The following WWOX variants were observed in gnomAD, a reference collection of about 807,000 sequenced individuals.
WWOX encodes the protein WW domain-containing oxidoreductase.
A neutral mutation model predicts 46.2 loss-of-function variants in WWOX; 69 were observed. The observed-to-expected ratio is 1.49, with a 90% CI of 1.23 to 1.82. The LOEUF (loss-of-function observed/expected upper bound fraction) is 1.82. Among genes scored for constraint, WWOX ranks in the 40% most tolerant of loss-of-function variants. The pLI, the probability that WWOX is intolerant of heterozygous loss-of-function variation, is 0.00. For synonymous variants in WWOX, 359 were observed against 202.6 expected (o/e 1.77, Z -6.56); for missense variants, 919 against 542.6 (o/e 1.69, Z -6.89).
intron 8 of WWOX, among the ~76,000 whole-genome samples, chr16:78,530,585 G>A (rs750328724): frequency 7.9e-5 from 12 of 152,120 alleles, no homozygotes; most frequent in Non-Finnish European, 1.6e-4. Context: ...TACAGGATTG[G>A]GGGCAGGCCG....
In WWOX at chr16:78,199,299, C is replaced by T. The variant is rs190318638; in HGVS notation, c.516+35010C>T. The stretch of plus-strand genomic sequence containing the variant: ...CTGCACTCCAGCCTGGGTGACAGAG[C>T]GAGACTCCATCTCAAACAAACAAAC... On this transcript the variant is annotated intron_variant, in intron 5 of 8. Transcript: ENST00000566780. Among the ~76,000 whole-genome samples the T allele has an allele frequency of 4.9e-3, 724 of 148,750 alleles. 4 individuals carry two copies. Among genetic ancestry groups the T allele is most frequent in the African/African-American group, 0.017 (670 of 39,738 alleles).
chr16:78,748,743 G>A (rs2049408076), intron 8 of WWOX, among the ~76,000 whole-genome samples: 1 of 152,178 alleles, frequency 6.6e-6, no homozygotes, highest in African/African-American at 2.4e-5. Context: ...TATTTTTCAT[G>A]CACACTCGGA....
At chr16:78,678,319 T>C (rs1447850784) in intron 8 of WWOX, among the ~76,000 whole-genome samples, 2 of 152,164 alleles carry the variant, frequency 1.3e-5, no homozygotes, top group African/African-American at 4.8e-5. Context: ...AAGGCTGCAG[T>C]AGGGTATGAG....
At chr16:78,952,757 G>C (rs1567433546) in intron 8 of WWOX, among the ~76,000 whole-genome samples, 1 of 151,978 alleles carries the variant, frequency 6.6e-6, no homozygotes, top group Non-Finnish European at 1.5e-5. Flanking sequence ...TGTTTGTTTC[G>C]GTTCCCCAAC....
chr16:78,325,304 A>G (rs2080587429), intron 5 of WWOX, among the ~76,000 whole-genome samples: 1 of 152,220 alleles, frequency 6.6e-6, no homozygotes, highest in South Asian at 2.1e-4. Flanking sequence ...TGACTTTATA[A>G]ATACTCAGAT....
At chr16:78,625,223 G>T (rs547042862) in intron 8 of WWOX, among the ~76,000 whole-genome samples, 341 of 152,208 alleles carry the variant, frequency 2.2e-3, no homozygotes, top group Non-Finnish European at 3.3e-3. Flanking sequence ...GTTTAGGCTG[G>T]GGTCACCGGG....
intron 6 of WWOX, among the ~76,000 whole-genome samples, chr16:78,403,800 C>A (rs2151945360): frequency 6.6e-6 from 1 of 152,308 alleles, no homozygotes; most frequent in South Asian, 2.1e-4. Context: ...AATTTACTGC[C>A]AGCTCTAGCC....
chr16:78,478,488 C>T (rs933365197), intron 8 of WWOX, among the ~76,000 whole-genome samples: 13 of 152,290 alleles, frequency 8.5e-5, no homozygotes, highest in African/African-American at 2.9e-4. Context: ...CTCCCTTCCA[C>T]AAAACAGGGC....
At chr16:78,192,491 C>CAAAAAAAAAAAAAAAAAAAAAA (rs56109773) in intron 5 of WWOX, among the ~76,000 whole-genome samples, 1 of 87,490 alleles carries the variant, frequency 1.1e-5, no homozygotes, top group African/African-American at 4.6e-5. Flanking sequence ...GACTCCGTCT[C>CAAAAAAAAAAAAAAAAAAAAAA]AAAAAAAAAA....
chr16:78,432,334 G>T (rs11866497), intron 7 of WWOX, among the ~76,000 whole-genome samples, 154 bp from the exon 8 acceptor site: 1 of 151,992 alleles, frequency 6.6e-6, no homozygotes, highest in Non-Finnish European at 1.5e-5. Flanking sequence ...TTGAACTCCC[G>T]ACCTCAGGTG....
intron 5 of WWOX, among the ~76,000 whole-genome samples, chr16:78,204,383 T>C (rs1055245714): frequency 1.3e-5 from 2 of 152,192 alleles, no homozygotes; most frequent in African/African-American, 2.4e-5. Context: ...ATCCAACCCC[T>C]CAAACATTTA....
At chr16:78,937,241 A>G (rs1414382517) in intron 8 of WWOX, among the ~76,000 whole-genome samples, 3 of 152,228 alleles carry the variant, frequency 2.0e-5, no homozygotes, top group East Asian at 1.9e-4. Flanking sequence ...TAGTATTTCA[A>G]ATTTACCTGA....
At position 78,952,066 on chromosome 16, in the gene WWOX, A is replaced by G. The variant is rs573011804; in HGVS notation, c.1057-259542A>G. 1.9e-4 allele frequency among the ~76,000 whole-genome samples: 29 copies of G among 152,270 alleles called. No homozygotes were observed. In the East Asian group the frequency reaches 5.2e-3, roughly 27 times the overall value. On this transcript the variant is annotated intron_variant, in intron 8 of 8. Transcript: ENST00000566780. ...AGGGTAAAGACAGACCCCTAATCATAACCTACAATCCCTCGACCCAGTGAC... is the reference window on the plus strand; with the variant it reads ...AGGGTAAAGACAGACCCCTAATCATGACCTACAATCCCTCGACCCAGTGAC...
At chr16:78,336,337 A>G (rs901348815) in intron 5 of WWOX, among the ~76,000 whole-genome samples, 2 of 149,948 alleles carry the variant, frequency 1.3e-5, no homozygotes, top group East Asian at 2.0e-4. Context: ...CACCAAAAAA[A>G]AAAAAAAAAA....
intron 8 of WWOX, among the ~76,000 whole-genome samples, chr16:78,475,611 A>G (rs2084332544): frequency 6.6e-6 from 1 of 151,998 alleles, no homozygotes; most frequent in Non-Finnish European, 1.5e-5. Flanking sequence ...ATTTTAGTTC[A>G]TTTCATTTAA....
chr16:79,015,231 T>G (rs1382543864), intron 8 of WWOX, among the ~76,000 whole-genome samples: 1 of 152,120 alleles, frequency 6.6e-6, no homozygotes, highest in African/African-American at 2.4e-5. Context: ...AGAAGGTGCC[T>G]GATTTCCTGG....
At chr16:79,007,687 T>A (rs2047217307) in intron 8 of WWOX, among the ~76,000 whole-genome samples, 1 of 152,230 alleles carries the variant, frequency 6.6e-6, no homozygotes, top group Non-Finnish European at 1.5e-5. Flanking sequence ...GATGAAGAAG[T>A]AGATTTCATC....
intron 8 of WWOX, among the ~76,000 whole-genome samples, chr16:78,741,156 G>C (rs998477512): frequency 1.3e-5 from 2 of 152,196 alleles, no homozygotes; most frequent in African/African-American, 2.4e-5. Context: ...GTAGGAGAGT[G>C]AGTAGTTGTG....
intron 8 of WWOX, among the ~76,000 whole-genome samples, chr16:78,865,056 C>G (rs1184773749): frequency 2.0e-5 from 3 of 152,130 alleles, no homozygotes; most frequent in Admixed American, 6.5e-5. Context: ...AGCCACCGCG[C>G]CTGGCTTTCA....
Sources: gnomAD v4.1 joint callset for allele counts (sites outside exome capture counted in the v4.1 genomes callset) on GRCh38, gnomAD v4.1.1 for gene constraint, MANE v1.5 for transcripts, NCBI Gene and HGNC (gene_info 2026-07-23, HGNC 2026-07-21) for gene names.